FAM184A: variants seen among roughly 807,000 people sequenced by gnomAD.
The protein encoded by FAM184A is protein FAM184A.
Under a neutral mutation model 143.8 loss-of-function variants are expected in FAM184A, and 99 were observed. The ratio of observed to expected loss-of-function variants is 0.69; its 90% CI spans 0.58 to 0.81. FAM184A has a LOEUF of 0.81. FAM184A is among the 40% of genes least tolerant of loss of function. The pLI, the probability that FAM184A is intolerant of heterozygous loss-of-function variation, is 0.00. For missense variants in FAM184A, 1,217 were observed against 1,310.5 expected (o/e 0.93, Z 1.10); for synonymous variants, 427 against 446.4 (o/e 0.96, Z 0.55).
chr6:119,027,220 T>C (rs372160221), intron 1 of FAM184A, among the ~76,000 whole-genome samples: 8 of 152,162 alleles, frequency 5.3e-5, no homozygotes, highest in Admixed American at 3.3e-4. Flanking sequence ...TACTGATTTA[T>C]GTCTTTGCCT....
Position 119,105,610 on chromosome 6 carries a change from G to T in FAM184A, c.-202+43468C>A, listed in dbSNP as rs188766216. On this transcript the variant is annotated intron_variant, in intron 1 of 16. Transcript: ENST00000352896. ...GTCTCACGTGGTTCTTTACAGCAGT[G>T]TGAAAACGGACTAATACAACTACCC... Among the ~76,000 whole-genome samples the T allele has an allele frequency of 2.3e-3, 344 of 152,224 alleles. 2 individuals carry two copies. The highest frequency in any genetic ancestry group is 8.1e-3 in the African/African-American group (338 of 41,516).
intron 1 of FAM184A, among the ~76,000 whole-genome samples, chr6:119,029,699 A>T (rs1324990223): frequency 6.6e-6 from 1 of 152,228 alleles, no homozygotes; most frequent in Non-Finnish European, 1.5e-5. Flanking sequence ...TAAACAAAAC[A>T]TGGCAAATAA....
At chr6:119,039,694 AC>A (rs1162699138) in intron 1 of FAM184A, among the ~76,000 whole-genome samples, 4 of 151,906 alleles carry the variant, frequency 2.6e-5, no homozygotes, top group Admixed American at 2.6e-4. Context: ...GCTCTGCCCC[AC>A]CCCCCACTAG....
intron 1 of FAM184A, among the ~76,000 whole-genome samples, chr6:119,035,834 G>A (rs1470605104): frequency 1.3e-5 from 2 of 152,058 alleles, no homozygotes; most frequent in East Asian, 3.9e-4. Context: ...CTTTCCCAAT[G>A]GAACAAACGT....
At chr6:118,981,813 C>A (rs1583780634) in intron 9 of FAM184A, among the ~76,000 whole-genome samples, 1 of 152,062 alleles carries the variant, frequency 6.6e-6, no homozygotes, top group Non-Finnish European at 1.5e-5. Flanking sequence ...GGTGAGAAAT[C>A]GTATGAACAA....
chr6:118,970,247 G>T (rs145101955), intron 14 of FAM184A, among the ~76,000 whole-genome samples: 4 of 150,796 alleles, frequency 2.7e-5, no homozygotes, highest in East Asian at 3.9e-4. Context: ...CAGGTGATCC[G>T]CCTGCCTCGG....
intron 1 of FAM184A, among the ~76,000 whole-genome samples, chr6:119,041,634 G>T (rs544861023): frequency 2.9e-4 from 44 of 152,124 alleles, no homozygotes; most frequent in African/African-American, 8.0e-4. Flanking sequence ...TGTTTGTTAC[G>T]GCTAGAGCTG....
At chr6:119,038,219 CAAAT>C (rs1249754195) in intron 1 of FAM184A, among the ~76,000 whole-genome samples, 1 of 152,080 alleles carries the variant, frequency 6.6e-6, no homozygotes, top group Non-Finnish European at 1.5e-5. Context: ...AACAAACAAA[CAAAT>C]AGAGAAAATG....
chr6:119,092,976 C>A (rs1241745538), intron 1 of FAM184A, among the ~76,000 whole-genome samples: 1 of 152,136 alleles, frequency 6.6e-6, no homozygotes, highest in Non-Finnish European at 1.5e-5. Context: ...CCCTGGTTAC[C>A]CCTATAGTCT....
At chr6:119,068,654 C>T (rs1264925267) in intron 1 of FAM184A, among the ~76,000 whole-genome samples, 2 of 152,100 alleles carry the variant, frequency 1.3e-5, no homozygotes, top group African/African-American at 4.8e-5. Context: ...CTCACTGGGC[C>T]GTTTGGCTCT....
chr6:119,116,368 G>T (rs931339918), intron 1 of FAM184A, among the ~76,000 whole-genome samples: 3 of 152,080 alleles, frequency 2.0e-5, no homozygotes, highest in Non-Finnish European at 4.4e-5. Context: ...AGGGAGGGAG[G>T]GGGGCATGGG....
chr6:119,083,337 T>C (rs930578552), upstream of FAM184A, among the ~76,000 whole-genome samples: 4 of 152,256 alleles, frequency 2.6e-5, no homozygotes, highest in African/African-American at 9.6e-5. Flanking sequence ...TTGTTACTTA[T>C]GCAAGTTTCT....
chr6:119,136,279 C>T (rs1416341983), intron 1 of FAM184A, among the ~76,000 whole-genome samples: 13 of 100,156 alleles, frequency 1.3e-4, no homozygotes, highest in Middle Eastern at 0.014. Context: ...AGCGAGACTC[C>T]GTCTCAAAAA....
intron 1 of FAM184A, among the ~76,000 whole-genome samples, chr6:119,122,924 G>GAAAAAA (rs766414096): frequency 6.9e-5 from 2 of 29,028 alleles, no homozygotes; most frequent in Non-Finnish European, 6.0e-5. Context: ...GACCCTGTCT[G>GAAAAAA]AAAAAAAAAA....
At chr6:119,013,426 G>GA (rs1016052733) in intron 5 of FAM184A, among the ~76,000 whole-genome samples, 1 of 152,176 alleles carries the variant, frequency 6.6e-6, no homozygotes, top group African/African-American at 2.4e-5. Flanking sequence ...TGGCTACAGT[G>GA]AAAATGAATG....
chr6:119,080,392 G>A (rs965084184), upstream of FAM184A, among the ~76,000 whole-genome samples: 1 of 152,110 alleles, frequency 6.6e-6, no homozygotes, highest in African/African-American at 2.4e-5. Context: ...CATCACATGA[G>A]TTTCCATCAT....
intron 9 of FAM184A, among the ~76,000 whole-genome samples, chr6:118,983,952 C>T (rs543199017): frequency 1.5e-4 from 22 of 151,180 alleles, no homozygotes; most frequent in Non-Finnish European, 2.4e-4. Context: ...CATTTGAGAC[C>T]GGCCTGGCCA....
chr6:119,073,538 C>T (rs183441000), intron 1 of FAM184A, among the ~76,000 whole-genome samples: 5 of 152,270 alleles, frequency 3.3e-5, no homozygotes, highest in Middle Eastern at 6.8e-3. Context: ...TACTTTCCAC[C>T]CCCACCACTA....
intron 1 of FAM184A, among the ~76,000 whole-genome samples, chr6:119,148,412 G>A (rs1311775431): frequency 1.3e-5 from 2 of 152,184 alleles, no homozygotes; most frequent in South Asian, 2.1e-4. Context: ...AAAGTGTTGC[G>A]TATGAACCCA....
Sources: allele counts gnomAD v4.1 joint callset (sites outside exome capture counted in the v4.1 genomes callset), GRCh38; gene constraint gnomAD v4.1.1; transcripts MANE v1.5; gene names NCBI Gene and HGNC (gene_info 2026-07-23, HGNC 2026-07-21).